The following RND3 variants were observed in gnomAD, a reference collection of about 807,000 sequenced individuals.
The protein encoded by RND3 is Rho family GTPase 3, also known as rho-related GTP-binding protein RhoE.
RND3 carries 8 observed loss-of-function variants against 26.5 expected under a neutral mutation model. The ratio of observed to expected loss-of-function variants is 0.30; its 90% CI spans 0.18 to 0.54. The LOEUF (loss-of-function observed/expected upper bound fraction) is 0.54, where lower values mean the gene tolerates loss of function less well. RND3 is among the 20% of genes least tolerant of loss of function. The pLI, the probability that RND3 is intolerant of heterozygous loss-of-function variation, is 0.94. For synonymous variants in RND3, 113 were observed against 113.0 expected, an observed-to-expected ratio of 1.00 and a Z score of 0.00; for missense variants, 207 against 302.8, an observed-to-expected ratio of 0.68 and a Z score of 2.35.
chr2:150,481,262 G>GA (rs1686265145), intron 3 of RND3, among the ~76,000 whole-genome samples: 1 of 152,146 alleles, frequency 6.6e-6, no homozygotes, highest in Non-Finnish European at 1.5e-5. Flanking sequence ...GTTGCTCCTT[G>GA]AAAAATCCAG....
intron 5 of RND3, among the ~76,000 whole-genome samples, chr2:150,470,477 T>C (rs1014545803): frequency 2.6e-5 from 4 of 152,172 alleles, no homozygotes; most frequent in African/African-American, 4.8e-5. Context: ...TCATGGCTCA[T>C]TAGAGGTGTT....
chr2:150,469,947 A>C lies in RND3; in HGVS notation c.*40T>G. 1 of 1,603,580 alleles carries C rather than the reference A, an allele frequency of 6.2e-7. No homozygotes were observed. The highest frequency in any genetic ancestry group is 1.1e-5 in the South Asian group (1 of 90,022). On this transcript the variant is annotated 3_prime_UTR_variant, in exon 6 of 6. Coordinates refer to ENST00000263895, the MANE Select transcript of RND3 (RefSeq NM_005168.5). ...ACCTTTTTGTTTGCTGTTGTTTTTT[A>C]CACTAGATTCCTTTGTCTTCATTAA...
chr2:150,487,474 A>AAAAAAAAATATATCT lies in RND3; in HGVS notation c.-38-20_-38-19insAGATATATTTTTTTT. 5.1e-6 allele frequency: 1 copy of AAAAAAAAATATATCT among 196,046 alleles called. No individual in the cohort carries two copies. Among genetic ancestry groups the AAAAAAAAATATATCT allele is most frequent in the Non-Finnish European group, 9.0e-6 (1 of 111,040 alleles). The allele number at this position is 196,046 out of a possible 1,614,324, so 12.1% of individuals were successfully genotyped here. ...ATTTTCTCTTAAGAAGAAAAAAAAAAATATATATATATATATATATTTCTC... is the reference window on the plus strand; with the variant it reads ...ATTTTCTCTTAAGAAGAAAAAAAAAAAAAAAAAATATATCTATATATATATATATATATATTTCTC... On this transcript the variant is annotated intron_variant, in intron 1 of 5. Coordinates refer to ENST00000263895, the MANE Select transcript of RND3 (RefSeq NM_005168.5).
At chr2:150,472,858 A>C (rs1161749981) in intron 4 of RND3, among the ~76,000 whole-genome samples, 1 of 152,178 alleles carries the variant, frequency 6.6e-6, no homozygotes, top group Non-Finnish European at 1.5e-5. Context: ...AATAACTTAA[A>C]AGATCACTAG....
At chr2:150,485,801 C>T (rs963479518) in intron 3 of RND3, among the ~76,000 whole-genome samples, 1 of 152,142 alleles carries the variant, frequency 6.6e-6, no homozygotes, top group Non-Finnish European at 1.5e-5. Flanking sequence ...GGTACCTAGC[C>T]CTCCCTACCA....
chr2:150,475,781 G>T (rs747662526), intron 3 of RND3, among the ~76,000 whole-genome samples: 2 of 152,086 alleles, frequency 1.3e-5, no homozygotes, highest in African/African-American at 4.8e-5. Flanking sequence ...GGATCATGTC[G>T]CTTTTTTACA....
In RND3 at chr2:150,470,066, T is replaced by G. The variant is rs1686058566; in HGVS notation, c.656A>C (p.His219Pro). 6.2e-7 allele frequency: 1 copy of G among 1,614,022 alleles called. No homozygotes were observed. Among genetic ancestry groups the G allele is most frequent in the Admixed American group, 1.7e-5 (1 of 59,988 alleles). ...CGAGAGTTCTGGTCTGCTAGGCATG[T>G]GTGAAATCCGCTTTGTGGCTCTCTG... ...KSQRATKRISHMPSRPELSAV... is the reference protein window; with the variant it reads ...KSQRATKRISPMPSRPELSAV... The change falls in exon 6 of 6, where the codon CAC becomes CCC. Residue 219 changes from histidine to proline, a missense_variant. By Grantham distance (77) the His-to-Pro change is moderately conservative. Coordinates refer to ENST00000263895, the MANE Select transcript of RND3 (RefSeq NM_005168.5).
At chr2:150,470,604 T>C (rs1259013734) in intron 5 of RND3, among the ~76,000 whole-genome samples, 1 of 152,156 alleles carries the variant, frequency 6.6e-6, no homozygotes. Context: ...TGATTCATCT[T>C]CACTATCAAC....
chr2:150,483,857 T>C (rs1324102923), intron 3 of RND3, among the ~76,000 whole-genome samples: 1 of 152,228 alleles, frequency 6.6e-6, no homozygotes, highest in Admixed American at 6.5e-5. Context: ...AATAATTCCC[T>C]TATGCCTCTT....
chr2:150,477,925 T>C (rs1228956402), intron 3 of RND3, among the ~76,000 whole-genome samples: 1 of 152,174 alleles, frequency 6.6e-6, no homozygotes, highest in Non-Finnish European at 1.5e-5. Flanking sequence ...TGCTTTTAGA[T>C]CAACACGAGT....
At chr2:150,470,346 T>C (rs1036839722) in intron 5 of RND3, 108 bp from the exon 6 acceptor site, 9 of 1,225,126 alleles carry the variant, frequency 7.3e-6, no homozygotes, top group Non-Finnish European at 1.0e-5. Flanking sequence ...CGTTTGCTGA[T>C]ATGTTAACTG....
intron 3 of RND3, among the ~76,000 whole-genome samples, chr2:150,484,679 G>A (rs1558872293): frequency 6.6e-6 from 1 of 152,276 alleles, no homozygotes; most frequent in East Asian, 1.9e-4. Context: ...GCGTAATAAA[G>A]CCAAGAAGTG....
At chr2:150,472,751 G>C (rs1297572231) in intron 4 of RND3, among the ~76,000 whole-genome samples, 1 of 152,130 alleles carries the variant, frequency 6.6e-6, no homozygotes, top group Non-Finnish European at 1.5e-5. Flanking sequence ...TGATGACTAA[G>C]ACATAGCTGT....
intron 3 of RND3, among the ~76,000 whole-genome samples, chr2:150,483,496 A>G (rs916606394): frequency 6.6e-6 from 1 of 152,224 alleles, no homozygotes; most frequent in Admixed American, 6.5e-5. Context: ...TCTTTTCTCC[A>G]GAGTTATATT....
At position 150,487,464 on chromosome 2, in the gene RND3, G is replaced by GAAAA. The variant is rs71422244; in HGVS notation, c.-38-13_-38-10dup. 3.4e-3 allele frequency: 967 copies of GAAAA among 288,256 alleles called. 13 individuals carry two copies. Among genetic ancestry groups the GAAAA allele is most frequent in the African/African-American group, 0.021 (852 of 39,640 alleles). The allele number at this position is 288,256 out of a possible 1,614,324, so 17.9% of individuals were successfully genotyped here. ...TGGAACAGGAATTTTCTCTTAAGAAGAAAAAAAAAAATATATATATATATA... is the reference window on the plus strand; with the variant it reads ...TGGAACAGGAATTTTCTCTTAAGAAGAAAAAAAAAAAAAAATATATATATATATA... On this transcript the variant is annotated splice_polypyrimidine_tract_variant and intron_variant, in intron 1 of 5. Coordinates refer to ENST00000263895, the MANE Select transcript of RND3 (RefSeq NM_005168.5).
intron 3 of RND3, among the ~76,000 whole-genome samples, chr2:150,485,781 C>T (rs1686349233): frequency 1.3e-5 from 2 of 152,138 alleles, no homozygotes; most frequent in Admixed American, 1.3e-4. Context: ...GGATGCCTTC[C>T]CACCGGGAGG....
At chr2:150,483,449 T>G (rs1686310356) in intron 3 of RND3, among the ~76,000 whole-genome samples, 1 of 152,248 alleles carries the variant, frequency 6.6e-6, no homozygotes, top group South Asian at 2.1e-4. Flanking sequence ...AAAGTGCAAT[T>G]TATCTGACAT....
intron 3 of RND3, among the ~76,000 whole-genome samples, chr2:150,477,023 A>G (rs558972348): frequency 1.3e-5 from 2 of 152,288 alleles, no homozygotes; most frequent in East Asian, 3.9e-4. Flanking sequence ...TAGATCATAG[A>G]GTGGAGCTCC....
chr2:150,472,409 T>C (rs192143876), intron 4 of RND3, among the ~76,000 whole-genome samples: 4 of 152,350 alleles, frequency 2.6e-5, no homozygotes, highest in Admixed American at 1.3e-4. Context: ...CTGTAGCTCA[T>C]ATGCCTTCAA....
Sources: gnomAD v4.1 joint callset for allele counts (sites outside exome capture counted in the v4.1 genomes callset) on GRCh38, gnomAD v4.1.1 for gene constraint, MANE v1.5 for transcripts, NCBI Gene and HGNC (gene_info 2026-07-23, HGNC 2026-07-21) for gene names.